PTBP1: variants seen among roughly 807,000 people sequenced by gnomAD.
The protein encoded by PTBP1 is polypyrimidine tract binding protein 1.
Under a neutral mutation model 59.8 loss-of-function variants are expected in PTBP1, and 8 were observed. The observed-to-expected ratio is 0.13, with a 90% confidence interval of 0.08 to 0.24. The LOEUF is 0.24. Ranked by LOEUF, PTBP1 falls within the 10% of genes least tolerant of loss-of-function variation. PTBP1 has a pLI of 1.00. For missense variants in PTBP1, 686 were observed against 767.0 expected, an observed-to-expected ratio of 0.89 and a Z score of 1.25; for synonymous variants, 490 against 320.7, an observed-to-expected ratio of 1.53 and a Z score of -5.64.
At chr19:805,656 G>A (rs1289975476) in intron 9 of PTBP1, 87 bp downstream of exon 9, 11 of 1,143,612 alleles carry the variant, frequency 9.6e-6, no homozygotes, top group Non-Finnish European at 1.3e-5. Flanking sequence ...CGGCAGCCTG[G>A]GCGGACTGGG....
In PTBP1 at chr19:808,340, C is replaced by G; in HGVS notation, c.1154-20C>G. The G allele has an allele frequency of 1.3e-6, 2 of 1,575,048 alleles. No homozygotes were observed. Among genetic ancestry groups the G allele is most frequent in the South Asian group, 1.2e-5 (1 of 86,620 alleles). On this transcript the variant is annotated intron_variant, in intron 11 of 14. Coordinates refer to ENST00000356948, the MANE Select transcript of PTBP1 (RefSeq NM_002819.5). The surrounding 1 kb of genome is among the most constrained non-coding windows in gnomAD (Gnocchi z 4.7). ...GGGCAGGCAGCAGGAGACTCAGGCC[C>G]CATCCCTGGGCTTTTGAAGGCGTCT...
Position 810,876 on chromosome 19 carries a change from C to A in PTBP1, c.*50C>A. On this transcript the variant is annotated 3_prime_UTR_variant, in exon 15 of 15. Transcript: ENST00000356948. ...CCCCTGGCGACAACTTCCATCATTC[C>A]AGAGAAAAGCCACTTTAAAAACAGC... The A allele has an allele frequency of 2.0e-6, 3 of 1,481,974 alleles. No homozygotes were observed. Among genetic ancestry groups the A allele is most frequent in the Non-Finnish European group, 1.8e-6 (2 of 1,121,494 alleles). The allele number at this position is 1,481,974 out of a possible 1,614,324, so 91.8% of individuals were successfully genotyped here.
chr19:798,840 G>A (rs1466928170), intron 1 of PTBP1, among the ~76,000 whole-genome samples: 2 of 152,256 alleles, frequency 1.3e-5, no homozygotes, highest in African/African-American at 4.8e-5. Context: ...GGTCGGGCGG[G>A]GCTCGGGTTG....
intron 8 of PTBP1, 133 bp from the exon 9 acceptor site, chr19:805,359 C>A (rs1054377334): frequency 8.3e-7 from 1 of 1,200,830 alleles, no homozygotes; most frequent in African/African-American, 1.5e-5. Context: ...ACGGCCCCCC[C>A]TGGAGCAGCG....
At chr19:797,537 C>T in intron 1 of PTBP1, 32 bp downstream of exon 1, 1 of 1,477,008 alleles carries the variant, frequency 6.8e-7, no homozygotes, top group Non-Finnish European at 9.0e-7. Flanking sequence ...GCCCCACCGC[C>T]CTCCCCGCGC....
In PTBP1 at chr19:812,120, G is replaced by A. The variant is rs865852870; in HGVS notation, c.*1294G>A. 1.3e-5 allele frequency: 2 copies of A among 152,428 alleles called. No individual in the cohort carries two copies. Among genetic ancestry groups the A allele is most frequent in the Non-Finnish European group, 2.9e-5 (2 of 68,042 alleles). The allele number at this position is 152,428 out of a possible 1,614,324, so 9.4% of individuals were successfully genotyped here. On this transcript the variant is annotated 3_prime_UTR_variant, in exon 15 of 15. Transcript: ENST00000356948. ...TTTGCTAACAGCAATTCCAGGCTCA[G>A]TATTGTGACCGCGGAGCCACAGGGG...
At position 799,405 on chromosome 19, in the gene PTBP1, C is replaced by A. The variant is rs1378140141; in HGVS notation, c.9-8C>A. The A allele has an allele frequency of 6.2e-7, 1 of 1,613,820 alleles. No individual in the cohort carries two copies. Among genetic ancestry groups the A allele is most frequent in the Non-Finnish European group, 8.5e-7 (1 of 1,179,834 alleles). On this transcript the variant is annotated splice_polypyrimidine_tract_variant and splice_region_variant and intron_variant, in intron 1 of 14. Transcript: ENST00000356948. ...GGCTAACGTTGTCTCCTTTCTTTCT[C>A]TCTACAGCATTGTCCCAGATATAGC...
At chr19:805,398 C>G in intron 8 of PTBP1, 94 bp from the exon 9 acceptor site, 1 of 1,339,080 alleles carries the variant, frequency 7.5e-7, no homozygotes, top group Non-Finnish European at 1.1e-6. Context: ...CTGCCGGGGC[C>G]GCCCGCCGGC....
chr19:804,007 G>A, intron 3 of PTBP1, 29 bp from the exon 4 acceptor site: 1 of 1,613,298 alleles, frequency 6.2e-7, no homozygotes, highest in East Asian at 2.2e-5. Context: ...GCGAGTTGGT[G>A]CCTGCATCTC....
At chr19:799,305 G>C (rs2034223992) in intron 1 of PTBP1, 108 bp from the exon 2 acceptor site, 1 of 978,672 alleles carries the variant, frequency 1.0e-6, no homozygotes, top group African/African-American at 1.6e-5. Context: ...GCCCTGCGGA[G>C]GTGGCAGCTG....
At chr19:797,633 TTCC>T in intron 1 of PTBP1, 128 bp downstream of exon 1, 1 of 496,430 alleles carries the variant, frequency 2.0e-6, no homozygotes, top group Non-Finnish European at 2.9e-6. Context: ...GGCTCTCCCC[TTCC>T]TCTCCGCGTG....
In PTBP1 at chr19:808,837, G is replaced by A. The variant is rs2034709125; in HGVS notation, c.1463+75G>A. The stretch of plus-strand genomic sequence containing the variant: ...TGCTTGGCTGTCCTACCGCGTCGGT[G>A]TGTGGACTTCTGGCGTTTCCAGAGT... On this transcript the variant is annotated intron_variant, in intron 13 of 14. Transcript: ENST00000356948. This position sits in a 1 kb window ranked among gnomAD's most constrained non-coding sequence, Gnocchi z 4.7. 5 of 1,404,758 alleles carry A rather than the reference G, an allele frequency of 3.6e-6. No individual in the cohort carries two copies. In the South Asian group the frequency reaches 4.9e-5, roughly 14 times the overall value. The allele number at this position is 1,404,758 out of a possible 1,614,324, so 87.0% of individuals were successfully genotyped here.
rs192061283 is a variant in PTBP1 at position 802,100 on chromosome 19, C to G, written c.40-1461C>G. 2.7e-3 allele frequency among the ~76,000 whole-genome samples: 412 copies of G among 152,282 alleles called. 2 individuals are homozygous for G. Among genetic ancestry groups the G allele is most frequent in the South Asian group, 7.7e-3 (37 of 4,828 alleles). On this transcript the variant is annotated intron_variant, in intron 2 of 14. Coordinates refer to ENST00000356948, the MANE Select transcript of PTBP1 (RefSeq NM_002819.5). ...TGCTCGATTGCTTGTTTGGTGACGC[C>G]CTGAGTGCTTGTGGGATTGGTGGGA...
At chr19:797,997 C>G (rs2034153229) in intron 1 of PTBP1, among the ~76,000 whole-genome samples, 1 of 150,430 alleles carries the variant, frequency 6.6e-6, no homozygotes, top group Non-Finnish European at 1.5e-5. Flanking sequence ...CTGCCCCCGG[C>G]GCAGCCCCGG....
chr19:802,863 G>A (rs1244186794), intron 2 of PTBP1, among the ~76,000 whole-genome samples: 8 of 152,220 alleles, frequency 5.3e-5, no homozygotes. Flanking sequence ...TGAATAGATT[G>A]TTTCTGGAGA....
chr19:799,081 C>T (rs8111329), intron 1 of PTBP1, among the ~76,000 whole-genome samples: 23,919 of 152,172 alleles, frequency 0.16, 2,120 homozygotes, highest in South Asian at 0.23. Context: ...CTTGAACCCT[C>T]TCAGCGGCAT....
Position 804,196 on chromosome 19 carries a change from G to A in PTBP1, c.276G>A (p.Lys92=), listed in dbSNP as rs766692471. 6 of 1,607,508 alleles carry A rather than the reference G, an allele frequency of 3.7e-6. No homozygotes were observed. The highest frequency in any genetic ancestry group is 3.4e-5 in the Admixed American group (2 of 59,422). ...AGGTCACCAACCTCCTGATGCTGAAGGGGAAAAACCAGGTACCTGAGCCGC... is the reference window on the plus strand; with the variant it reads ...AGGTCACCAACCTCCTGATGCTGAAAGGGAAAAACCAGGTACCTGAGCCGC... ...FGKVTNLLML[K]GKNQAFIEMN... Residue 92 remains lysine, a synonymous_variant, in exon 4 of 15, where the codon AAG becomes AAA. Transcript: ENST00000356948.
intron 2 of PTBP1, among the ~76,000 whole-genome samples, chr19:800,544 G>C (rs1470773008): frequency 6.6e-6 from 1 of 152,196 alleles, no homozygotes; most frequent in African/African-American, 2.4e-5. Flanking sequence ...AGAGCCTCCC[G>C]CAGGGCGAGC....
Position 805,476 on chromosome 19 carries a change from T to A in PTBP1, c.893-16T>A, listed in dbSNP as rs2055538295. ...GAGGTTGTGGGTGCGATGATTAGTG[T>A]CTCATTTATTTCTAGGTGCACCTGG... On this transcript the variant is annotated splice_polypyrimidine_tract_variant and intron_variant, in intron 8 of 14. Transcript: ENST00000356948. 1 of 1,605,626 alleles carries A rather than the reference T, an allele frequency of 6.2e-7. No homozygotes were observed. Among genetic ancestry groups the A allele is most frequent in the South Asian group, 1.1e-5 (1 of 90,910 alleles).
Sources: allele counts gnomAD v4.1 joint callset (sites outside exome capture counted in the v4.1 genomes callset), GRCh38; gene constraint gnomAD v4.1.1; non-coding constraint Gnocchi (gnomAD v3.1); transcripts MANE v1.5; gene names NCBI Gene and HGNC (gene_info 2026-07-23, HGNC 2026-07-21).